DST: variants seen among roughly 807,000 people sequenced by gnomAD.
The protein encoded by DST is bullous pemphigoid antigen.
Under a neutral mutation model 875.2 loss-of-function variants are expected in DST, and 253 were observed. The observed-to-expected ratio is 0.29, with a 90% CI of 0.26 to 0.32. The LOEUF (loss-of-function observed/expected upper bound fraction) is 0.32. Ranked by LOEUF, DST falls within the 10% of genes least tolerant of loss-of-function variation. DST has a pLI of 1.00. For synonymous variants in DST, 3,124 were observed against 3,197.1 expected, an observed-to-expected ratio of 0.98 and a Z score of 0.77; for missense variants, 8,287 against 9,111.6, an observed-to-expected ratio of 0.91 and a Z score of 3.68.
intron 83 of DST, among the ~76,000 whole-genome samples, chr6:56,493,622 A>G (rs1441254977): frequency 6.6e-6 from 1 of 152,098 alleles, no homozygotes; most frequent in East Asian, 1.9e-4. Context: ...TAAGTACTTA[A>G]AAGAATATAC....
At chr6:56,600,288 T>G in intron 44 of DST, 67 bp from the exon 45 acceptor site, 1 of 1,457,152 alleles carries the variant, frequency 6.9e-7, no homozygotes, top group South Asian at 1.2e-5. Flanking sequence ...TGTGATAGCT[T>G]CTTATTAGAA....
At chr6:56,638,184 C>T (rs1172745122) in intron 22 of DST, among the ~76,000 whole-genome samples, 1 of 151,840 alleles carries the variant, frequency 6.6e-6, no homozygotes, top group Admixed American at 6.6e-5. Context: ...AATTCTTGGC[C>T]CATAATAGTA....
At chr6:56,844,616 T>G (rs2099805041) in intron 4 of DST, among the ~76,000 whole-genome samples, 1 of 152,180 alleles carries the variant, frequency 6.6e-6, no homozygotes, top group Non-Finnish European at 1.5e-5. Context: ...GTCTCACGCC[T>G]GTAATCCCAG....
Position 56,530,095 on chromosome 6 carries a change from T to C in DST, c.17147A>G (p.Gln5716Arg). Reference sequence around the variant, plus strand: ...CAGTGGTTCTAAGGTTTCATGAAATTGCTGTGCTACCACCGAGATACCTTC... The same window carrying C: ...CAGTGGTTCTAAGGTTTCATGAAATCGCTGTGCTACCACCGAGATACCTTC... ...QLEGISVVAQQFHETLEPLNE... is the reference protein window; with the variant it reads ...QLEGISVVAQRFHETLEPLNE... The change falls in exon 65 of 104, where the codon CAA (glutamine) becomes CGA (arginine). Residue 5716 changes from glutamine to arginine, a missense_variant. Physicochemically the swap from Gln to Arg is conservative, Grantham distance 43 (BLOSUM62 1). Coordinates refer to ENST00000680361, the MANE Select transcript of DST (RefSeq NM_001374736.1). 1 of 1,534,954 alleles carries C rather than the reference T, an allele frequency of 6.5e-7. No individual in the cohort carries two copies. The highest frequency in any genetic ancestry group is 8.8e-7 in the Non-Finnish European group (1 of 1,137,408).
At chr6:56,563,304 T>C (rs1296217589) in intron 55 of DST, among the ~76,000 whole-genome samples, 1 of 152,238 alleles carries the variant, frequency 6.6e-6, no homozygotes. Context: ...TGGTACCTCA[T>C]TGTGGTTTTG....
chr6:56,711,919 G>A (rs949635099), intron 5 of DST, among the ~76,000 whole-genome samples: 12 of 151,318 alleles, frequency 7.9e-5, no homozygotes, highest in East Asian at 5.8e-4. Context: ...GTGAAACCCC[G>A]TCTCTACTAA....
At chr6:56,731,089 G>A (rs1287242000) in intron 5 of DST, among the ~76,000 whole-genome samples, 1 of 152,184 alleles carries the variant, frequency 6.6e-6, no homozygotes, top group Non-Finnish European at 1.5e-5. Flanking sequence ...TTGGCCCAGG[G>A]CTGGGGTGTG....
chr6:56,467,327 A>C (rs913262580), intron 98 of DST: 2 of 152,290 alleles, frequency 1.3e-5, no homozygotes, highest in East Asian at 1.9e-4. Flanking sequence ...AAGAAAACCC[A>C]AAAACAATAC....
intron 4 of DST, among the ~76,000 whole-genome samples, chr6:56,831,600 TC>T (rs2099787133): frequency 6.6e-6 from 1 of 152,164 alleles, no homozygotes; most frequent in Non-Finnish European, 1.5e-5. Context: ...TGGTCCACTT[TC>T]GTCACCAAAC....
chr6:56,801,369 T>C (rs928851532), intron 4 of DST, among the ~76,000 whole-genome samples: 6 of 152,150 alleles, frequency 3.9e-5, no homozygotes, highest in African/African-American at 1.4e-4. Flanking sequence ...TCAGGTCTGT[T>C]TGCTGTAGAA....
Position 56,573,062 on chromosome 6 carries a change from C to T in DST, c.13239G>A (p.Met4413Ile). The T allele has an allele frequency of 1.3e-6, 2 of 1,539,148 alleles. No individual in the cohort carries two copies. Among genetic ancestry groups the T allele is most frequent in the Middle Eastern group, 1.7e-4 (1 of 5,760 alleles). ...GACGACCTGCAATATCCTGTTCCAA[C>T]ATCTAAAATAAACCAAATATTGCAT... ...ALQDIISKNI[M>I]LEQDIAGRQS... Residue 4413 changes from methionine (M) to isoleucine (I), a missense_variant and splice_region_variant, in exon 52 of 104, where the codon ATG becomes ATA. Transcript: ENST00000680361.
intron 4 of DST, among the ~76,000 whole-genome samples, chr6:56,743,130 T>C (rs771267303): frequency 2.6e-5 from 4 of 152,088 alleles, no homozygotes; most frequent in Non-Finnish European, 4.4e-5. Flanking sequence ...TATGAATAAA[T>C]GAATAATGAA....
chr6:56,841,809 G>A (rs2099800369), intron 4 of DST, among the ~76,000 whole-genome samples: 1 of 151,610 alleles, frequency 6.6e-6, no homozygotes, highest in Non-Finnish European at 1.5e-5. Flanking sequence ...GAGTGATGCA[G>A]GTAAACATGA....
At chr6:56,501,412 G>T in intron 79 of DST, 108 bp downstream of exon 79, 1 of 1,134,676 alleles carries the variant, frequency 8.8e-7, no homozygotes, top group Non-Finnish European at 1.2e-6. Context: ...GGTTAAAATA[G>T]AATATATGAG....
rs1563302867 is a variant in DST, at chr6:56,629,346, G to A, written c.4379C>T (p.Thr1460Met). ...AKAISDEMFK[T>M]YKERDLDFDW... Reference sequence around the variant, plus strand: ...AAAATCAAGGTCCCGTTCTTTATACGTTTTAAACATTTCATCACTGATGGC... The same window carrying A: ...AAAATCAAGGTCCCGTTCTTTATACATTTTAAACATTTCATCACTGATGGC... Residue 1460 changes from threonine to methionine, a missense_variant, in exon 32 of 104, where the codon ACG (threonine) becomes ATG (methionine). Physicochemically the swap from Thr to Met is moderately conservative, Grantham distance 81. Around this residue, in one of 10 missense-constraint regions of DST, gnomAD observed 3,138 missense variants for 3,116.6 expected, o/e 1.01. Transcript: ENST00000680361. 10 of 1,613,446 alleles carry A rather than the reference G, an allele frequency of 6.2e-6. No homozygotes were observed. Among genetic ancestry groups the A allele is most frequent in the Admixed American group, 3.3e-5 (2 of 59,990 alleles).
At chr6:56,742,262 A>C (rs1311051307) in intron 4 of DST, 1 of 1,280,852 alleles carries the variant, frequency 7.8e-7, no homozygotes, top group Non-Finnish European at 1.0e-6. Flanking sequence ...TATATGTGAT[A>C]CTACTAACCC....
intron 36 of DST, among the ~76,000 whole-genome samples, chr6:56,623,800 T>C (rs2098710353): frequency 6.6e-6 from 1 of 152,152 alleles, no homozygotes; most frequent in African/African-American, 2.4e-5. Context: ...TTAGATTACA[T>C]ACAAGAGCCT....
At chr6:56,851,117 G>T (rs980515081) in intron 4 of DST, 3 of 465,394 alleles carry the variant, frequency 6.4e-6, no homozygotes, top group Admixed American at 6.9e-5. Flanking sequence ...CAGTAATTAG[G>T]AAAGTTTAGT....
At position 56,518,383 on chromosome 6, in the gene DST, T is replaced by TA. The variant is rs946685525; in HGVS notation, c.18130-764dup. Among the ~76,000 whole-genome samples the TA allele has an allele frequency of 1.8e-4, 27 of 152,070 alleles. No homozygotes were observed. In the Middle Eastern group the frequency reaches 0.01, roughly 57 times the overall value. ...CCACAAATCAAGAGAGAAAGATTTGTAAAAAAAATGTCTGGGATGACACTG... is the reference window on the plus strand; with the variant it reads ...CCACAAATCAAGAGAGAAAGATTTGTAAAAAAAAATGTCTGGGATGACACTG... On this transcript the variant is annotated intron_variant, in intron 69 of 103. Coordinates refer to ENST00000680361, the MANE Select transcript of DST (RefSeq NM_001374736.1).
Sources: allele counts gnomAD v4.1 joint callset (sites outside exome capture counted in the v4.1 genomes callset), GRCh38; gene constraint gnomAD v4.1.1; regional missense constraint gnomAD v4.1.1; transcripts MANE v1.5; gene names NCBI Gene and HGNC (gene_info 2026-07-23, HGNC 2026-07-21).